DEAF1: variants seen among roughly 807,000 people sequenced by gnomAD.
DEAF1 encodes DEAF1 transcription factor.
In DEAF1, 53 loss-of-function variants were observed where a neutral mutation model predicts 58.9. That is an observed-to-expected ratio of 0.90 (90% confidence interval 0.72 to 1.13). The LOEUF (loss-of-function observed/expected upper bound fraction) is 1.13. DEAF1 is among the 50% of genes most tolerant of loss of function. DEAF1 has a pLI of 0.00. For synonymous variants in DEAF1, 385 were observed against 340.4 expected, an observed-to-expected ratio of 1.13 and a Z score of -1.44; for missense variants, 685 against 791.4, an observed-to-expected ratio of 0.87 and a Z score of 1.61.
intron 11 of DEAF1, 120 bp downstream of exon 11, chr11:653,842 G>C: frequency 1.2e-6 from 1 of 867,368 alleles, no homozygotes; most frequent in Non-Finnish European, 2.0e-6. Context: ...TTCCCAGAGG[G>C]AGGGACAGGG....
chr11:703,596 G>A (rs1319213023), intron 1 of DEAF1: 12 of 1,232,888 alleles, frequency 9.7e-6, no homozygotes, highest in Admixed American at 4.2e-5. Context: ...AGTTTACTCC[G>A]TGGCCAGGCC....
At chr11:657,054 C>A (rs550610629) in intron 10 of DEAF1, among the ~76,000 whole-genome samples, 3 of 151,972 alleles carry the variant, frequency 2.0e-5, no homozygotes, top group Non-Finnish European at 4.4e-5. Context: ...GTGACACCCT[C>A]GTCCCTGCTC....
chr11:704,411 C>T (rs770046941), intron 1 of DEAF1: 16 of 1,274,596 alleles, frequency 1.3e-5, no homozygotes, highest in Admixed American at 6.9e-5. Context: ...TGTCCTGGGC[C>T]GACTTCCTTT....
chr11:649,247 T>TCA (rs760709013), intron 11 of DEAF1, among the ~76,000 whole-genome samples: 26 of 150,042 alleles, frequency 1.7e-4, no homozygotes, highest in East Asian at 5.9e-4. Flanking sequence ...CGAGACTCCA[T>TCA]CACACACACA....
chr11:669,205 G>T (rs1313861546), intron 10 of DEAF1, among the ~76,000 whole-genome samples: 1 of 148,834 alleles, frequency 6.7e-6, no homozygotes, highest in Non-Finnish European at 1.5e-5. Flanking sequence ...CAAGACCTTG[G>T]CCTCCCAAAG....
At chr11:674,449 G>T in intron 10 of DEAF1, 87 bp downstream of exon 10, 17 of 1,587,034 alleles carry the variant, frequency 1.1e-5, no homozygotes, top group Non-Finnish European at 1.5e-5. Context: ...GTGAGCCAAG[G>T]TGGGGCTTGC....
chr11:672,684 T>TA (rs982674064), intron 10 of DEAF1, among the ~76,000 whole-genome samples: 51 of 151,948 alleles, frequency 3.4e-4, no homozygotes, highest in African/African-American at 1.2e-3. Context: ...CCGTCTCTAC[T>TA]AAAAATACAA....
intron 10 of DEAF1, among the ~76,000 whole-genome samples, chr11:667,618 C>T (rs1043203305): frequency 1.3e-5 from 2 of 150,456 alleles, no homozygotes; most frequent in Non-Finnish European, 3.0e-5. Flanking sequence ...CCGGTCTGGC[C>T]AACATGGCAA....
rs992846393 is a variant in DEAF1, at chr11:694,772, G to A, written c.276C>T (p.Ala92=). The part of the protein sequence containing the change: ...ALPGPDEAAA[A]AAFAEVTTVT... Reference sequence around the variant, plus strand: ...GGGCGCACTTGCCTGCGAAGGCTGCGGCAGCGGCGGCCTCGTCGGGGCCGG... The same window carrying A: ...GGGCGCACTTGCCTGCGAAGGCTGCAGCAGCGGCGGCCTCGTCGGGGCCGG... Residue 92 remains alanine (A), a synonymous_variant, in exon 1 of 12, where the codon GCC becomes GCT. Coordinates refer to ENST00000382409, the MANE Select transcript of DEAF1 (RefSeq NM_021008.4). The A allele has an allele frequency of 2.3e-6, 3 of 1,323,020 alleles. No individual in the cohort carries two copies. The highest frequency in any genetic ancestry group is 3.2e-5 in the East Asian group (1 of 31,632). 82.0% of individuals were successfully genotyped at this position (1,323,020 alleles called of 1,614,324 possible). A position where few individuals can be genotyped will look rare whatever the true frequency, so the allele number is the denominator to read the frequency against.
At chr11:652,051 C>T (rs1858796807) in intron 11 of DEAF1, among the ~76,000 whole-genome samples, 1 of 152,140 alleles carries the variant, frequency 6.6e-6, no homozygotes, top group South Asian at 2.1e-4. Flanking sequence ...CCCAACAGAG[C>T]AGAATATACA....
chr11:655,127 C>T (rs1279230943), intron 10 of DEAF1, among the ~76,000 whole-genome samples: 1 of 147,686 alleles, frequency 6.8e-6, no homozygotes, highest in Non-Finnish European at 1.5e-5. Context: ...AGGAGCTTCA[C>T]TCCAGCCAGG....
chr11:682,153 G>A (rs1222988892), intron 6 of DEAF1, among the ~76,000 whole-genome samples: 1 of 152,216 alleles, frequency 6.6e-6, no homozygotes, highest in East Asian at 1.9e-4. Flanking sequence ...ACCTTTGGTG[G>A]TGGGAGTTTT....
chr11:644,548 C>A lies in DEAF1; in HGVS notation c.*2G>T. On this transcript the variant is annotated 3_prime_UTR_variant, in exon 12 of 12. Coordinates refer to ENST00000382409, the MANE Select transcript of DEAF1 (RefSeq NM_021008.4). The surrounding 1 kb of genome is among the most constrained non-coding windows in gnomAD (Gnocchi z 4.3). ...CCAGCTCCCAGGGCGGCCGATGGAGCCTCACACGGTCACCTTCTCCATCAC... is the reference window on the plus strand; with the variant it reads ...CCAGCTCCCAGGGCGGCCGATGGAGACTCACACGGTCACCTTCTCCATCAC... 1 of 1,611,894 alleles carries A rather than the reference C, an allele frequency of 6.2e-7. No homozygotes were observed. The highest frequency in any genetic ancestry group is 8.5e-7 in the Non-Finnish European group (1 of 1,179,640).
At chr11:701,388 AGAGAC>A (rs1312266031) in intron 1 of DEAF1, among the ~76,000 whole-genome samples, 3 of 134,890 alleles carry the variant, frequency 2.2e-5, no homozygotes, top group Non-Finnish European at 4.7e-5. Context: ...TTTTTTTGGT[AGAGAC>A]GAGACAAGGT....
At chr11:646,729 T>C (rs1464872463) in intron 11 of DEAF1, 1 of 152,222 alleles carries the variant, frequency 6.6e-6, no homozygotes. Flanking sequence ...GTGATGCTTC[T>C]TACAGTATAA....
In DEAF1 at chr11:678,762, C is replaced by CCGGGGTAGTGAGGCT; in HGVS notation, c.1172_1186dup (p.Glu391_Pro395dup). 7 of 1,614,172 alleles carry CCGGGGTAGTGAGGCT rather than the reference C, an allele frequency of 4.3e-6. No homozygotes were observed. The highest frequency in any genetic ancestry group is 5.1e-6 in the Non-Finnish European group (6 of 1,180,018). On this transcript the variant is annotated inframe_insertion, in exon 9 of 12. Transcript: ENST00000382409. ...TGCGATCTGGCAGCTGTCCTGATAGCCGGGGTAGTGAGGCTCAGGGTGGCT... is the reference window on the plus strand; with the variant it reads ...TGCGATCTGGCAGCTGTCCTGATAGCCGGGGTAGTGAGGCTCGGGGTAGTGAGGCTCAGGGTGGCT...
rs558105606 is a variant in DEAF1 at position 691,427 on chromosome 11, G to T, written c.387+74C>A. The T allele has an allele frequency of 8.5e-6, 12 of 1,414,516 alleles. No homozygotes were observed. In the East Asian group the frequency reaches 1.8e-4, roughly 22 times the overall value. 87.6% of individuals were successfully genotyped at this position (1,414,516 alleles called of 1,614,324 possible). On this transcript the variant is annotated intron_variant, in intron 2 of 11. Transcript: ENST00000382409. ...GTTCACACAGCGGGCTGAACCCCGG[G>T]AGAGCCTCGGGGAAGCCGGAGGCCC...
Position 688,728 on chromosome 11 carries a change from C to T in DEAF1, c.388-268G>A, listed in dbSNP as rs539483635. ...AAAGGGAAGGAAGAAAGGTGCTCCA[C>T]AAACAAGAAACACCCTCCCTTCCAC... On this transcript the variant is annotated intron_variant, in intron 2 of 11. Transcript: ENST00000382409. This position sits in a 1 kb window ranked among gnomAD's most constrained non-coding sequence, Gnocchi z 4.3. 2.0e-5 allele frequency among the ~76,000 whole-genome samples: 3 copies of T among 152,286 alleles called. No homozygotes were observed. Among genetic ancestry groups the T allele is most frequent in the Admixed American group, 6.5e-5 (1 of 15,294 alleles).
At chr11:646,176 C>T (rs1207204198) in intron 11 of DEAF1, among the ~76,000 whole-genome samples, 1 of 140,330 alleles carries the variant, frequency 7.1e-6, no homozygotes, top group Non-Finnish European at 1.5e-5. Context: ...TCACTTGAAC[C>T]TGGGAGGCAG....
Sources: allele counts gnomAD v4.1 joint callset (sites outside exome capture counted in the v4.1 genomes callset), GRCh38; gene constraint gnomAD v4.1.1; non-coding constraint Gnocchi (gnomAD v3.1); transcripts MANE v1.5; gene names NCBI Gene and HGNC (gene_info 2026-07-23, HGNC 2026-07-21).